The following KIFC3 variants were observed in gnomAD, a reference collection of about 807,000 sequenced individuals.
The protein encoded by KIFC3 is kinesin-like protein KIFC3.
Under a neutral mutation model 101.8 loss-of-function variants are expected in KIFC3, and 60 were observed. That is an observed-to-expected ratio of 0.59 (90% CI 0.48 to 0.73). The LOEUF (loss-of-function observed/expected upper bound fraction) is 0.73, where lower values mean the gene tolerates loss of function less well. KIFC3 is among the 30% of genes least tolerant of loss of function. The pLI, the probability that KIFC3 is intolerant of heterozygous loss-of-function variation, is 0.00. For missense variants in KIFC3, 966 were observed against 1,137.1 expected, an observed-to-expected ratio of 0.85 and a Z score of 2.16; for synonymous variants, 476 against 482.7, an observed-to-expected ratio of 0.99 and a Z score of 0.18.
At position 57,798,143 on chromosome 16, in the gene KIFC3, CGAGCCATCCCCGGCTCGGGCTCCG is replaced by C. The variant is rs1306123361; in HGVS notation, c.77_100del (p.Pro26_Ala33del). ...CGGGCTGGCTGGGGCTGGGGCGGGGCGAGCCATCCCCGGCTCGGGCTCCGGGGCCCGGCCCACTCTCCACAGGCC... is the reference window on the plus strand; with the variant it reads ...CGGGCTGGCTGGGGCTGGGGCGGGGCGGGCCCGGCCCACTCTCCACAGGCC... On this transcript the variant is annotated inframe_deletion, in exon 2 of 20. Coordinates refer to ENST00000445690, the MANE Select transcript of KIFC3 (RefSeq NM_001130100.2). 6.4e-7 allele frequency: 1 copy of C among 1,551,368 alleles called. No homozygotes were observed. Among genetic ancestry groups the C allele is most frequent in the Non-Finnish European group, 8.7e-7 (1 of 1,148,470 alleles).
chr16:57,781,334 G>A (rs1346753144), intron 3 of KIFC3, among the ~76,000 whole-genome samples: 1 of 152,188 alleles, frequency 6.6e-6, no homozygotes, highest in Non-Finnish European at 1.5e-5. Flanking sequence ...AAGGAGTGTA[G>A]TGAGGTCTGG....
At chr16:57,847,984 C>A (rs1251433223) in intron 1 of KIFC3, among the ~76,000 whole-genome samples, 1 of 152,108 alleles carries the variant, frequency 6.6e-6, no homozygotes, top group Non-Finnish European at 1.5e-5. Flanking sequence ...TGGGGTTTCA[C>A]CATGTTGGCC....
At position 57,758,852 on chromosome 16, in the gene KIFC3, G is replaced by A. The variant is rs782700248; in HGVS notation, c.*82C>T. ...CTGCAGCAGGGACAGGCCAGTGAGGGCCCAGCTTCAGGCCCAGCGGGGTCA... is the reference window on the plus strand; with the variant it reads ...CTGCAGCAGGGACAGGCCAGTGAGGACCCAGCTTCAGGCCCAGCGGGGTCA... On this transcript the variant is annotated 3_prime_UTR_variant, in exon 20 of 20. Coordinates refer to ENST00000445690, the MANE Select transcript of KIFC3 (RefSeq NM_001130100.2). The A allele has an allele frequency of 1.2e-6, 2 of 1,608,998 alleles. No individual in the cohort carries two copies. The highest frequency in any genetic ancestry group is 1.1e-5 in the South Asian group (1 of 90,966).
rs2049475098 is a variant in KIFC3, at chr16:57,759,044, C to A, written c.*24+81G>T. The A allele has an allele frequency of 1.9e-6, 3 of 1,541,040 alleles. No homozygotes were observed. In the East Asian group the frequency reaches 7.2e-5, roughly 37 times the overall value. On this transcript the variant is annotated intron_variant, in intron 19 of 19. Transcript: ENST00000445690. ...AGCAGGGGCTAGACCCAGCTCTGAA[C>A]AGCAGAACGTCCCAGCGCAGCCCTG...
chr16:57,816,985 T>C, intron 1 of KIFC3: 1 of 326,462 alleles, frequency 3.1e-6, no homozygotes, highest in Non-Finnish European at 6.0e-6. Context: ...TGGAGCACTT[T>C]TTCTGAATTA....
intron 1 of KIFC3, among the ~76,000 whole-genome samples, chr16:57,851,034 A>C (rs2056046827): frequency 7.5e-6 from 1 of 133,852 alleles, no homozygotes. Context: ...TTTTCTTGAC[A>C]CGATCTTGCT....
At chr16:57,762,869 G>A (rs956042750) in intron 12 of KIFC3, among the ~76,000 whole-genome samples, 12 of 152,182 alleles carry the variant, frequency 7.9e-5, no homozygotes, top group African/African-American at 2.7e-4. Context: ...GGCCTCAGGT[G>A]CCCCTGGCAT....
At chr16:57,856,920 T>G (rs1170234022) in intron 1 of KIFC3, among the ~76,000 whole-genome samples, 9 of 152,286 alleles carry the variant, frequency 5.9e-5, no homozygotes, top group African/African-American at 1.9e-4. Context: ...AAAGAAAACT[T>G]AGGTCCAGAT....
At chr16:57,845,894 G>T (rs2149319407) in intron 1 of KIFC3, among the ~76,000 whole-genome samples, 1 of 152,296 alleles carries the variant, frequency 6.6e-6, no homozygotes, top group East Asian at 1.9e-4. Flanking sequence ...TTGTTTGCCA[G>T]TGTCTCCTGG....
At chr16:57,830,441 G>T (rs1010973087) in intron 1 of KIFC3, 2 of 151,878 alleles carry the variant, frequency 1.3e-5, no homozygotes, top group African/African-American at 4.8e-5. Flanking sequence ...GTTTCACTAT[G>T]TTGGCCAGGC....
At position 57,758,242 on chromosome 16, in the gene KIFC3, TAATAAGTAAA is replaced by T; in HGVS notation, c.*682_*691del. 1 of 227,854 alleles carries T rather than the reference TAATAAGTAAA, an allele frequency of 4.4e-6. No individual in the cohort carries two copies. Among genetic ancestry groups the T allele is most frequent in the Non-Finnish European group, 8.9e-6 (1 of 112,712 alleles). The allele number at this position is 227,854 out of a possible 1,614,324, so 14.1% of individuals were successfully genotyped here. On this transcript the variant is annotated 3_prime_UTR_variant, in exon 20 of 20. Transcript: ENST00000445690. ...TTGTGTAAAAAGGCTTCTTTTATTTTAATAAGTAAAAATGGCTAAGCTTCCAAAAGTTCTT... is the reference window on the plus strand; with the variant it reads ...TTGTGTAAAAAGGCTTCTTTTATTTTAATGGCTAAGCTTCCAAAAGTTCTT...
chr16:57,760,620 T>A, intron 16 of KIFC3, 106 bp downstream of exon 16: 2 of 1,137,604 alleles, frequency 1.8e-6, no homozygotes, highest in Non-Finnish European at 2.6e-6. Flanking sequence ...TGTGGCCAGG[T>A]CTAGGGGCGG....
intron 1 of KIFC3, chr16:57,816,948 A>C: frequency 2.9e-6 from 1 of 343,140 alleles, no homozygotes; most frequent in South Asian, 2.2e-5. Flanking sequence ...AACCCTTCAC[A>C]CTCACTACAT....
chr16:57,802,345 C>T lies in KIFC3; in HGVS notation c.-40+25G>A. The T allele has an allele frequency of 1.0e-6, 1 of 977,000 alleles. No individual in the cohort carries two copies. The highest frequency in any genetic ancestry group is 1.2e-6 in the Non-Finnish European group (1 of 822,938). 60.5% of individuals were successfully genotyped at this position (977,000 alleles called of 1,614,324 possible). A position where few individuals can be genotyped will look rare whatever the true frequency, so the allele number is the denominator to read the frequency against. ...CAGAGCCCAGCGCCCCGCTCGCACC[C>T]AGCCCGCCCGGGCCCCCCACTCACC... is the stretch of plus-strand genomic sequence containing the variant. On this transcript the variant is annotated intron_variant, in intron 1 of 19. Coordinates refer to ENST00000445690, the MANE Select transcript of KIFC3 (RefSeq NM_001130100.2). The surrounding 1 kb of genome is among the most constrained non-coding windows in gnomAD (Gnocchi z 5.0).
chr16:57,763,695 C>T (rs1555600036), intron 12 of KIFC3, among the ~76,000 whole-genome samples: 1 of 152,164 alleles, frequency 6.6e-6, no homozygotes. Context: ...AGCTGGGCTC[C>T]CCACAACAGC....
chr16:57,776,462 G>T, intron 3 of KIFC3: 2 of 969,118 alleles, frequency 2.1e-6, no homozygotes, highest in Non-Finnish European at 2.5e-6. Context: ...GGCTGCCCAG[G>T]TTCTAATCCA....
chr16:57,794,268 T>A (rs868908644), intron 3 of KIFC3, among the ~76,000 whole-genome samples: 1 of 151,930 alleles, frequency 6.6e-6, no homozygotes, highest in Admixed American at 6.6e-5. Context: ...GGTCTCACTC[T>A]GTCACGCAGG....
intron 3 of KIFC3, chr16:57,775,588 G>A (rs1260328350): frequency 1.0e-6 from 1 of 985,770 alleles, no homozygotes; most frequent in East Asian, 1.1e-4. Flanking sequence ...AGAGCAGGCA[G>A]GGCCTTCCTC....
upstream of KIFC3, chr16:57,807,941 A>AAC (rs2054975664): frequency 1.5e-5 from 2 of 131,252 alleles, no homozygotes; most frequent in Admixed American, 1.4e-4. Context: ...AAAAAAAAAA[A>AAC]AAAAAAAAAA....
Sources: gnomAD v4.1 joint callset for allele counts (sites outside exome capture counted in the v4.1 genomes callset) on GRCh38, gnomAD v4.1.1 for gene constraint, Gnocchi (gnomAD v3.1) non-coding constraint, MANE v1.5 for transcripts, NCBI Gene and HGNC (gene_info 2026-07-23, HGNC 2026-07-21) for gene names.